GNE: variants seen among roughly 807,000 people sequenced by gnomAD.
The protein encoded by GNE is glucosamine (UDP-N-acetyl)-2-epimerase/N-acetylmannosamine kinase.
Under a neutral mutation model 61.8 loss-of-function variants are expected in GNE, and 41 were observed. The observed-to-expected ratio is 0.66, with a 90% CI of 0.52 to 0.86. The LOEUF (loss-of-function observed/expected upper bound fraction) is 0.86, where lower values mean the gene tolerates loss of function less well. GNE is among the 40% of genes least tolerant of loss of function. The probability of loss-of-function intolerance (pLI) is 0.00; values close to 1 mark genes in which losing one functional copy is unlikely to be tolerated. For synonymous variants in GNE, 264 were observed against 326.4 expected (o/e 0.81, Z 2.06); for missense variants, 608 against 909.1 (o/e 0.67, Z 4.26).
At chr9:36,268,859 G>A (rs1371702413) in intron 1 of GNE, among the ~76,000 whole-genome samples, 1 of 152,150 alleles carries the variant, frequency 6.6e-6, no homozygotes, top group African/African-American at 2.4e-5. Flanking sequence ...GCCGGGCGTG[G>A]TGGCTCATAC....
chr9:36,244,781 C>CAA (rs36022958), intron 3 of GNE, among the ~76,000 whole-genome samples: 2 of 145,502 alleles, frequency 1.4e-5, no homozygotes, highest in African/African-American at 5.1e-5. Flanking sequence ...ACTAAAAATA[C>CAA]AAAAAAAAAT....
rs35198868 is a variant in GNE at position 36,242,164 on chromosome 9, G to GA, written c.616+3866dup. Among the ~76,000 whole-genome samples the GA allele has an allele frequency of 6.1e-3, 896 of 146,674 alleles. 12 individuals are homozygous for GA. The highest frequency in any genetic ancestry group is 0.021 in the African/African-American group (814 of 39,308). ...GAGCAAGACTCTGTCTCAAAAAAAAGAAAAAAAAAAAGAAGTTGCATATCA... is the reference window on the plus strand; with the variant it reads ...GAGCAAGACTCTGTCTCAAAAAAAAGAAAAAAAAAAAAGAAGTTGCATATCA... On this transcript the variant is annotated intron_variant, in intron 3 of 11. Coordinates refer to ENST00000642385, the MANE Select transcript of GNE (RefSeq NM_005476.7).
rs750404513 is a variant in GNE, at chr9:36,227,253, T to C, written c.1276A>G (p.Met426Val). The change falls in exon 7 of 12, where the codon ATG (methionine) becomes GTG (valine). Residue 426 changes from methionine to valine, a missense_variant. Coordinates refer to ENST00000642385, the MANE Select transcript of GNE (RefSeq NM_005476.7). ...GAGTTTAGGAGTTATTTTACCTTCA[T>C]GCTGACTATTGCAACTCGGAGGTTC... ...GTNLRVAIVS[M>V]KGEIVKKYTQ... 3.1e-6 allele frequency: 5 copies of C among 1,606,614 alleles called. No individual in the cohort carries two copies. The East Asian group carries it at 8.9e-5, about 29-fold the overall frequency.
chr9:36,242,977 T>A (rs933521226), intron 3 of GNE, among the ~76,000 whole-genome samples: 2 of 152,004 alleles, frequency 1.3e-5, no homozygotes, highest in East Asian at 3.9e-4. Flanking sequence ...TGACCTCAAG[T>A]GATCCACCTG....
In GNE at chr9:36,225,347, A is replaced by T. The variant is rs548699517; in HGVS notation, c.1282-1845T>A. 3.9e-5 allele frequency among the ~76,000 whole-genome samples: 6 copies of T among 152,236 alleles called. No individual in the cohort carries two copies. The East Asian group carries it at 1.2e-3, about 29-fold the overall frequency. ...GTCACTAGGATTGTCATTAAAAATAAATCTAGGTCAGGCACGGTCGCTCAC... is the reference window on the plus strand; with the variant it reads ...GTCACTAGGATTGTCATTAAAAATATATCTAGGTCAGGCACGGTCGCTCAC... On this transcript the variant is annotated intron_variant, in intron 7 of 11. Transcript: ENST00000642385.
At chr9:36,217,981 C>T (rs562976772) in intron 11 of GNE, among the ~76,000 whole-genome samples, 1 of 152,296 alleles carries the variant, frequency 6.6e-6, no homozygotes, top group South Asian at 2.1e-4. Flanking sequence ...ACCAAACCAA[C>T]CACCTGCTGA....
chr9:36,239,469 TTCTC>T (rs1299683557), intron 3 of GNE, among the ~76,000 whole-genome samples: 2 of 151,948 alleles, frequency 1.3e-5, no homozygotes, highest in East Asian at 1.9e-4. Flanking sequence ...TTCTTTCTTT[TTCTC>T]TCTTTTTTTT....
chr9:36,228,579 G>A (rs1002431048), intron 6 of GNE, among the ~76,000 whole-genome samples: 1 of 151,772 alleles, frequency 6.6e-6, no homozygotes, highest in African/African-American at 2.4e-5. Context: ...GATCACCTGA[G>A]GTCAGGAGTT....
chr9:36,228,720 G>A (rs1160529507), intron 6 of GNE, among the ~76,000 whole-genome samples: 1 of 150,272 alleles, frequency 6.7e-6, no homozygotes, highest in African/African-American at 2.5e-5. Flanking sequence ...CTTGAACCCA[G>A]GAGGCGGAGG....
chr9:36,234,023 A>G lies in GNE; in HGVS notation c.879T>C (p.His293=). 3 of 1,614,202 alleles carry G rather than the reference A, an allele frequency of 1.9e-6. No individual in the cohort carries two copies. Among genetic ancestry groups the G allele is most frequent in the Non-Finnish European group, 1.7e-6 (2 of 1,179,996 alleles). Residue 293 remains histidine (H), a synonymous_variant, in exon 5 of 12, where the codon CAT becomes CAC. Transcript: ENST00000642385. ...TGCTGTTCCCAATCATACAGCCAGC[A>G]TGGGCAACCAACTGTATAAACTGGT... ...PFDQFIQLVA[H]AGCMIGNSSC...
At position 36,223,048 on chromosome 9, in the gene GNE, G is replaced by C. The variant is rs1310992532; in HGVS notation, c.1412-50C>G. 3 of 1,513,722 alleles carry C rather than the reference G, an allele frequency of 2.0e-6. No homozygotes were observed. The South Asian group carries it at 3.4e-5, about 17-fold the overall frequency. The allele number at this position is 1,513,722 out of a possible 1,614,324, so 93.8% of individuals were successfully genotyped here. ...AAATAATGCTGATGAGCAATCTCAGGAAAGTATGCTGACTTTCTTGTCTTA... is the reference window on the plus strand; with the variant it reads ...AAATAATGCTGATGAGCAATCTCAGCAAAGTATGCTGACTTTCTTGTCTTA... On this transcript the variant is annotated intron_variant, in intron 8 of 11. Coordinates refer to ENST00000642385, the MANE Select transcript of GNE (RefSeq NM_005476.7).
intron 1 of GNE, among the ~76,000 whole-genome samples, chr9:36,255,546 A>G (rs1227738910): frequency 6.6e-6 from 1 of 152,170 alleles, no homozygotes; most frequent in Non-Finnish European, 1.5e-5. Context: ...CCAGCTATAT[A>G]ATTCTTTTCC....
At chr9:36,231,152 G>T (rs1829141093) in intron 5 of GNE, among the ~76,000 whole-genome samples, 1 of 149,816 alleles carries the variant, frequency 6.7e-6, no homozygotes, top group African/African-American at 2.5e-5. Context: ...GGAAGGAAAA[G>T]AAAGAAGGAA....
At chr9:36,266,001 C>G (rs1401384545) in intron 1 of GNE, among the ~76,000 whole-genome samples, 1 of 152,090 alleles carries the variant, frequency 6.6e-6, no homozygotes, top group Non-Finnish European at 1.5e-5. Context: ...GCAATCTTGG[C>G]TTCTTGGCTC....
chr9:36,239,631 C>T (rs891693707), intron 3 of GNE, among the ~76,000 whole-genome samples: 2 of 151,964 alleles, frequency 1.3e-5, no homozygotes, highest in Non-Finnish European at 2.9e-5. Context: ...CATCACCATG[C>T]CCAGCTAATT....
rs1054151272 is a variant in GNE, at chr9:36,216,836, G to A, written c.*529C>T. On this transcript the variant is annotated 3_prime_UTR_variant, in exon 12 of 12. Transcript: ENST00000642385. The stretch of plus-strand genomic sequence containing the variant: ...CGCCACCACACCCAGCTAATTTTTT[G>A]TATTTTTAGTAGAGACGGGGTTTCA... 1.8e-5 allele frequency: 3 copies of A among 167,598 alleles called. No homozygotes were observed. Among genetic ancestry groups the A allele is most frequent in the African/African-American group, 7.3e-5 (3 of 41,270 alleles). The allele number at this position is 167,598 out of a possible 1,614,324, so 10.4% of individuals were successfully genotyped here.
chr9:36,262,888 A>G (rs911943371), upstream of GNE, among the ~76,000 whole-genome samples: 5 of 152,222 alleles, frequency 3.3e-5, no homozygotes, highest in African/African-American at 1.2e-4. Flanking sequence ...TTCGTAGCCT[A>G]AACATTTCTA....
At chr9:36,273,221 A>AT (rs34635171) in intron 1 of GNE, among the ~76,000 whole-genome samples, 38,795 of 146,234 alleles carry the variant, frequency 0.27, 5,365 homozygotes, top group Non-Finnish European at 0.31. Context: ...CACTCCATAA[A>AT]TTTTTTTTTT....
chr9:36,248,509 A>T (rs983567463), intron 2 of GNE, among the ~76,000 whole-genome samples: 1 of 150,188 alleles, frequency 6.7e-6, no homozygotes, highest in Admixed American at 6.7e-5. Context: ...TTTTTCGTAG[A>T]GATAGGGTTT....
Sources: allele counts gnomAD v4.1 joint callset (sites outside exome capture counted in the v4.1 genomes callset), GRCh38; gene constraint gnomAD v4.1.1; transcripts MANE v1.5; gene names NCBI Gene and HGNC (gene_info 2026-07-23, HGNC 2026-07-21).